SLC7A5: variants seen among roughly 807,000 people sequenced by gnomAD.
The protein encoded by SLC7A5 is solute carrier family 7 member 5.
SLC7A5 carries 23 observed loss-of-function variants against 50.2 expected under a neutral mutation model. The ratio of observed to expected loss-of-function variants is 0.46; its 90% confidence interval spans 0.33 to 0.65. SLC7A5 has a LOEUF of 0.65. SLC7A5 is among the 30% of genes least tolerant of loss of function. SLC7A5 has a pLI of 0.02. For missense variants in SLC7A5, 578 were observed against 684.4 expected (o/e 0.84, Z 1.73); for synonymous variants, 393 against 330.6 (o/e 1.19, Z -2.05).
intron 2 of SLC7A5, among the ~76,000 whole-genome samples, chr16:87,850,650 AAACTCAG>A (rs1474805607): frequency 2.0e-5 from 3 of 152,226 alleles, no homozygotes; most frequent in South Asian, 4.1e-4. Flanking sequence ...GGATGGAGAC[AAACTCAG>A]AAGGAACTGC....
At chr16:87,866,574 T>A (rs2055464042) in intron 1 of SLC7A5, among the ~76,000 whole-genome samples, 1 of 152,060 alleles carries the variant, frequency 6.6e-6, no homozygotes, top group Admixed American at 6.5e-5. Context: ...CTAGTGATTC[T>A]CCTGCCTCAG....
At position 87,865,599 on chromosome 16, in the gene SLC7A5, C is replaced by T. The variant is rs544760306; in HGVS notation, c.538+3286G>A. Among the ~76,000 whole-genome samples, 6 of 152,152 alleles carry T rather than the reference C, an allele frequency of 3.9e-5. No homozygotes were observed. The South Asian group carries it at 8.3e-4, about 21-fold the overall frequency. ...GTGGGCACCTGTAGTCCCAGCTACTCGGGAGGCTGAGGCAGGAGAGTCGCT... is the reference window on the plus strand; with the variant it reads ...GTGGGCACCTGTAGTCCCAGCTACTTGGGAGGCTGAGGCAGGAGAGTCGCT... On this transcript the variant is annotated intron_variant, in intron 1 of 9. Transcript: ENST00000261622.
intron 1 of SLC7A5, among the ~76,000 whole-genome samples, chr16:87,865,138 C>A (rs2055444381): frequency 1.3e-5 from 2 of 151,616 alleles, no homozygotes; most frequent in African/African-American, 4.8e-5. Flanking sequence ...CACACAGGGG[C>A]AAGAATAGAT....
intron 1 of SLC7A5, among the ~76,000 whole-genome samples, chr16:87,857,008 C>CT (rs61325379): frequency 0.36 from 54,175 of 152,008 alleles, 11,489 homozygotes; most frequent in African/African-American, 0.6. Flanking sequence ...GTCACCGCCC[C>CT]GGGCTCCAGA....
chr16:87,833,026 C>G lies in SLC7A5; in HGVS notation c.1469-1G>C. 1 of 1,613,714 alleles carries G rather than the reference C, an allele frequency of 6.2e-7. No individual in the cohort carries two copies. Among genetic ancestry groups the G allele is most frequent in the Non-Finnish European group, 8.5e-7 (1 of 1,179,762 alleles). The stretch of plus-strand genomic sequence containing the variant: ...TTCTGACACAGGACGGTCGTGGAGA[C>G]TGTCAGGAGAGAAGACAGCTGTGTT... On this transcript the variant is annotated splice_acceptor_variant, in intron 9 of 9. Transcript: ENST00000261622. LOFTEE classifies it high-confidence loss of function. This position sits in a 1 kb window ranked among gnomAD's most constrained non-coding sequence, Gnocchi z 6.0.
At chr16:87,865,711 A>C (rs2055452423) in intron 1 of SLC7A5, among the ~76,000 whole-genome samples, 2 of 152,182 alleles carry the variant, frequency 1.3e-5, no homozygotes, top group Non-Finnish European at 2.9e-5. Flanking sequence ...TCTCAAAGAT[A>C]AAATAAAATA....
chr16:87,859,576 G>A (rs563411238), intron 1 of SLC7A5, among the ~76,000 whole-genome samples: 51 of 152,288 alleles, frequency 3.3e-4, no homozygotes, highest in African/African-American at 1.2e-3. Flanking sequence ...GATGGGAAGA[G>A]GGGGTCACAC....
intron 1 of SLC7A5, among the ~76,000 whole-genome samples, chr16:87,858,162 CTG>C (rs1474989575): frequency 6.6e-6 from 1 of 152,222 alleles, no homozygotes; most frequent in Admixed American, 6.5e-5. Context: ...TGCTGAAATG[CTG>C]TGTGAACTCC....
intron 2 of SLC7A5, among the ~76,000 whole-genome samples, chr16:87,850,874 A>T (rs2055213453): frequency 6.6e-6 from 1 of 152,198 alleles, no homozygotes; most frequent in Admixed American, 6.5e-5. Context: ...CAGAACACAG[A>T]TCTATGGAGT....
At position 87,837,902 on chromosome 16, in the gene SLC7A5, G is replaced by A; in HGVS notation, c.1083C>T (p.Ser361=). 6.2e-7 allele frequency: 1 copy of A among 1,608,536 alleles called. No individual in the cohort carries two copies. Among genetic ancestry groups the A allele is most frequent in the East Asian group, 2.2e-5 (1 of 44,708 alleles). ...GCTGTGGGTGGATCATGGAGAGGAT[G>A]GAGGGCAGGTGGCCTTCCCGGGACC... ...FVGSREGHLP[S]ILSMIHPQLL... is the part of the protein sequence containing the mutation. The change falls in exon 7 of 10, where the codon TCC becomes TCT. Residue 361 remains serine (S), a synonymous_variant. Transcript: ENST00000261622.
intron 1 of SLC7A5, among the ~76,000 whole-genome samples, chr16:87,854,282 T>TA (rs1278598371): frequency 6.6e-6 from 1 of 152,194 alleles, no homozygotes; most frequent in Non-Finnish European, 1.5e-5. Flanking sequence ...AAGGGGACCT[T>TA]ATATTTATTC....
At chr16:87,840,915 T>G in intron 3 of SLC7A5, 135 bp downstream of exon 3, 1 of 671,640 alleles carries the variant, frequency 1.5e-6, no homozygotes, top group Non-Finnish European at 2.7e-6. Flanking sequence ...ACTCTTTAAC[T>G]GCCAAGGGGC....
Position 87,834,498 on chromosome 16 carries a change from A to G in SLC7A5, c.1384T>C (p.Phe462Leu), listed in dbSNP as rs1387201010. The G allele has an allele frequency of 6.3e-7, 1 of 1,587,024 alleles. No individual in the cohort carries two copies. ...GGCAGCCCGCTGAGGATGATGGTGA[A>G]GCCGATGCCACACTCCACGGGTGTC... ...WKTPVECGIG[F>L]TIILSGLPVY... Residue 462 changes from phenylalanine (F) to leucine (L), a missense_variant, in exon 9 of 10, where the codon TTC (phenylalanine) becomes CTC (leucine). Physicochemically the swap from Phe to Leu is conservative, Grantham distance 22. Coordinates refer to ENST00000261622, the MANE Select transcript of SLC7A5 (RefSeq NM_003486.7).
In SLC7A5 at chr16:87,834,472, G is replaced by C. The variant is rs778987531; in HGVS notation, c.1410C>G (p.Pro470=). 19 of 1,571,418 alleles carry C rather than the reference G, an allele frequency of 1.2e-5. No individual in the cohort carries two copies. The East Asian group carries it at 2.8e-4, about 23-fold the overall frequency. Reference sequence around the variant, plus strand: ...TCCACCAGACCCCGAAGAAGTAGACGGGCAGCCCGCTGAGGATGATGGTGA... The same window carrying C: ...TCCACCAGACCCCGAAGAAGTAGACCGGCAGCCCGCTGAGGATGATGGTGA... ...IGFTIILSGL[P]VYFFGVWWKN... The change falls in exon 9 of 10, where the codon CCC becomes CCG. Residue 470 remains proline (P), a synonymous_variant. Transcript: ENST00000261622.
At chr16:87,866,126 G>C (rs1328667198) in intron 1 of SLC7A5, among the ~76,000 whole-genome samples, 5 of 152,138 alleles carry the variant, frequency 3.3e-5, no homozygotes, top group Admixed American at 6.6e-5. Context: ...GAGCACACTT[G>C]TTCCTGCCGA....
At chr16:87,857,860 G>T (rs997931278) in intron 1 of SLC7A5, among the ~76,000 whole-genome samples, 12 of 152,224 alleles carry the variant, frequency 7.9e-5, no homozygotes, top group African/African-American at 2.9e-4. Context: ...CAACCACACT[G>T]TCCTGGCTGG....
At position 87,837,952 on chromosome 16, in the gene SLC7A5, A is replaced by C. The variant is rs1476454014; in HGVS notation, c.1044-11T>G. 3.8e-6 allele frequency: 6 copies of C among 1,593,548 alleles called. No homozygotes were observed. The highest frequency in any genetic ancestry group is 2.7e-5 in the African/African-American group (2 of 74,812). ...CCCACGAAGAAGAGCCTGTGGACAG[A>C]CAAGAGTGGCAGAGTCAGCCACCGC... On this transcript the variant is annotated splice_polypyrimidine_tract_variant and intron_variant, in intron 6 of 9. Transcript: ENST00000261622.
At chr16:87,849,259 G>A (rs934331974) in intron 2 of SLC7A5, among the ~76,000 whole-genome samples, 29 of 152,332 alleles carry the variant, frequency 1.9e-4, no homozygotes, top group African/African-American at 6.7e-4. Flanking sequence ...CAACTGCTTT[G>A]GGAGAAAGGG....
intron 6 of SLC7A5, 37 bp from the exon 7 acceptor site, chr16:87,837,978 CCCA>C: frequency 6.7e-7 from 1 of 1,482,172 alleles, no homozygotes; most frequent in Non-Finnish European, 9.3e-7. Flanking sequence ...CAGCCACCGC[CCCA>C]CAACTCAGCA....
Sources: gnomAD v4.1 joint callset for allele counts (sites outside exome capture counted in the v4.1 genomes callset) on GRCh38, gnomAD v4.1.1 for gene constraint, Gnocchi (gnomAD v3.1) non-coding constraint, MANE v1.5 for transcripts, NCBI Gene and HGNC (gene_info 2026-07-23, HGNC 2026-07-21) for gene names.